Variants in GRM7 observed in about 807,000 individuals in gnomAD.
GRM7 encodes metabotropic glutamate receptor 7.
Under a neutral mutation model 84.5 loss-of-function variants are expected in GRM7, and 35 were observed. That is an observed-to-expected ratio of 0.41 (90% CI 0.32 to 0.55). GRM7 has a LOEUF of 0.55. Ranked by LOEUF, GRM7 falls within the 20% of genes least tolerant of loss-of-function variation. GRM7 has a pLI of 0.19. For missense variants in GRM7, 1,003 were observed against 1,194.6 expected (o/e 0.84, Z 2.36); for synonymous variants, 487 against 455.1 (o/e 1.07, Z -0.89).
intron 1 of GRM7, among the ~76,000 whole-genome samples, chr3:7,136,415 G>GA (rs1693773230): frequency 6.8e-6 from 1 of 147,762 alleles, no homozygotes; most frequent in Admixed American, 6.7e-5. Context: ...TAGGTTGTCA[G>GA]GAACTAAGGC....
At position 7,306,664 on chromosome 3, in the gene GRM7, A is replaced by G. The variant is rs745306563; in HGVS notation, c.1033+12A>G. 9.5e-6 allele frequency: 15 copies of G among 1,581,580 alleles called. No individual in the cohort carries two copies. In the South Asian group the frequency reaches 1.5e-4, roughly 16 times the overall value. Reference sequence around the variant, plus strand: ...AGCCACGGTGGAAGGTATGGGTTTCATCAGCAGTAGGTTTGCTGAGAGAAG... The same window carrying G: ...AGCCACGGTGGAAGGTATGGGTTTCGTCAGCAGTAGGTTTGCTGAGAGAAG... On this transcript the variant is annotated intron_variant, in intron 4 of 9. Coordinates refer to ENST00000357716, the MANE Select transcript of GRM7 (RefSeq NM_000844.4).
chr3:6,882,629 A>T (rs1154354), intron 1 of GRM7, among the ~76,000 whole-genome samples: 96,781 of 152,086 alleles, frequency 0.64, 33,562 homozygotes, highest in South Asian at 0.8. Context: ...TTCTTGAGAT[A>T]TTTTTGTTTG....
Position 7,622,118 on chromosome 3 carries a change from G to A in GRM7, c.2451+42761G>A, listed in dbSNP as rs115454694. ...AAAGGCAAAATGATTTACCCAAATC[G>A]CCATTCCAGGGCTATTCCTGTCCCA... On this transcript the variant is annotated intron_variant, in intron 8 of 9. Coordinates refer to ENST00000357716, the MANE Select transcript of GRM7 (RefSeq NM_000844.4). 1.8e-3 allele frequency among the ~76,000 whole-genome samples: 274 copies of A among 152,224 alleles called. 2 individuals carry two copies. The highest frequency in any genetic ancestry group is 6.3e-3 in the African/African-American group (261 of 41,556).
intron 5 of GRM7, among the ~76,000 whole-genome samples, chr3:7,427,235 T>G (rs934977728): frequency 6.6e-6 from 1 of 152,236 alleles, no homozygotes; most frequent in Non-Finnish European, 1.5e-5. Flanking sequence ...CCATTTGTTC[T>G]TTAAAATGAA....
chr3:7,179,239 C>T (rs1286706008), intron 2 of GRM7, among the ~76,000 whole-genome samples: 1 of 152,218 alleles, frequency 6.6e-6, no homozygotes, highest in Non-Finnish European at 1.5e-5. Flanking sequence ...GACTCCCTAA[C>T]TCCCAACTGC....
intron 7 of GRM7, among the ~76,000 whole-genome samples, chr3:7,538,417 C>G (rs1692678430): frequency 1.3e-5 from 2 of 152,202 alleles, no homozygotes; most frequent in South Asian, 2.1e-4. Flanking sequence ...CGGCCCGTTA[C>G]TGTATTTTGA....
At chr3:7,228,674 G>A (rs1166304786) in intron 2 of GRM7, among the ~76,000 whole-genome samples, 2 of 152,174 alleles carry the variant, frequency 1.3e-5, no homozygotes, top group African/African-American at 4.8e-5. Flanking sequence ...TTTCACAAGA[G>A]ACTCTACTAT....
chr3:7,202,957 T>G (rs2125115282), intron 2 of GRM7, among the ~76,000 whole-genome samples: 1 of 152,322 alleles, frequency 6.6e-6, no homozygotes, highest in South Asian at 2.1e-4. Context: ...TTTCTATTAT[T>G]AATGGTGTAC....
intron 5 of GRM7, among the ~76,000 whole-genome samples, chr3:7,434,119 G>A (rs566664408): frequency 3.3e-5 from 5 of 151,878 alleles, no homozygotes; most frequent in Admixed American, 6.5e-5. Context: ...ATTCTTTTTC[G>A]ATTGTTAACG....
At chr3:7,076,543 T>C (rs1698087021) in intron 1 of GRM7, among the ~76,000 whole-genome samples, 1 of 152,282 alleles carries the variant, frequency 6.6e-6, no homozygotes, top group Non-Finnish European at 1.5e-5. Flanking sequence ...TCCTAAGGCC[T>C]CCTAGCTATG....
intron 7 of GRM7, among the ~76,000 whole-genome samples, chr3:7,571,316 C>A (rs1296306463): frequency 1.3e-5 from 2 of 152,126 alleles, no homozygotes; most frequent in African/African-American, 2.4e-5. Context: ...TGCTTCTGTG[C>A]TCTGCTTTCC....
intron 2 of GRM7, among the ~76,000 whole-genome samples, chr3:7,204,883 T>C (rs900950656): frequency 6.6e-6 from 1 of 152,226 alleles, no homozygotes; most frequent in African/African-American, 2.4e-5. Context: ...GGTCAATATG[T>C]TGGGGATTTC....
chr3:7,648,189 G>T (rs1463237755), intron 8 of GRM7, among the ~76,000 whole-genome samples: 1 of 151,366 alleles, frequency 6.6e-6, no homozygotes, highest in Non-Finnish European at 1.5e-5. Context: ...AGAAAGAAAT[G>T]AGTACCCCTT....
chr3:7,459,050 T>G (rs1299476011), intron 6 of GRM7, among the ~76,000 whole-genome samples: 1 of 152,194 alleles, frequency 6.6e-6, no homozygotes, highest in Non-Finnish European at 1.5e-5. Flanking sequence ...AGACTTGTGT[T>G]GATTCTTACA....
intron 2 of GRM7, among the ~76,000 whole-genome samples, chr3:7,191,982 T>G (rs913694527): frequency 6.6e-6 from 1 of 152,170 alleles, no homozygotes; most frequent in African/African-American, 2.4e-5. Flanking sequence ...TAAACTTTAC[T>G]GATCACCAGA....
chr3:7,259,085 G>A (rs1156972853), intron 2 of GRM7, among the ~76,000 whole-genome samples: 1 of 152,174 alleles, frequency 6.6e-6, no homozygotes, highest in Non-Finnish European at 1.5e-5. Context: ...AATGATTTGT[G>A]ATCACAGCCT....
intron 2 of GRM7, among the ~76,000 whole-genome samples, chr3:7,209,722 T>C (rs944713428): frequency 1.3e-5 from 2 of 152,016 alleles, no homozygotes; most frequent in African/African-American, 4.8e-5. Flanking sequence ...AGAGAAGGCA[T>C]ACAAACCAGA....
intron 4 of GRM7, among the ~76,000 whole-genome samples, chr3:7,355,589 A>G (rs77669117): frequency 0.073 from 11,062 of 152,154 alleles, 430 homozygotes; most frequent in Non-Finnish European, 0.09. Flanking sequence ...TTGGCACTCT[A>G]CTAAGTCTTT....
chr3:7,338,066 C>T lies in GRM7; in HGVS notation c.1033+31414C>T, dbSNP rs566894959. On this transcript the variant is annotated intron_variant, in intron 4 of 9. Transcript: ENST00000357716. Reference sequence around the variant, plus strand: ...ATATATATAAATATATATATCCCCCCTTAAAGCATACATTTATATATTATA... The same window carrying T: ...ATATATATAAATATATATATCCCCCTTTAAAGCATACATTTATATATTATA... Among the ~76,000 whole-genome samples the T allele has an allele frequency of 2.6e-5, 4 of 151,192 alleles. No homozygotes were observed. The South Asian group carries it at 8.4e-4, about 32-fold the overall frequency.
Sources: allele counts gnomAD v4.1 joint callset (sites outside exome capture counted in the v4.1 genomes callset), GRCh38; gene constraint gnomAD v4.1.1; transcripts MANE v1.5; gene names NCBI Gene and HGNC (gene_info 2026-07-23, HGNC 2026-07-21).